Variants in ZSWIM5 observed in about 807,000 individuals in gnomAD.
ZSWIM5 encodes zinc finger SWIM domain-containing protein 5.
Under a neutral mutation model 119.6 loss-of-function variants are expected in ZSWIM5, and 55 were observed. The observed-to-expected ratio is 0.46, with a 90% CI of 0.37 to 0.58. ZSWIM5 has a LOEUF of 0.58. Among genes scored for constraint, ZSWIM5 ranks in the 20% least tolerant of loss-of-function variants. The pLI is 0.00. For synonymous variants in ZSWIM5, 537 were observed against 606.9 expected (o/e 0.88, Z 1.69); for missense variants, 1,193 against 1,512.8 (o/e 0.79, Z 3.51).
At chr1:45,112,135 A>G (rs1645522404) in intron 1 of ZSWIM5, among the ~76,000 whole-genome samples, 2 of 152,190 alleles carry the variant, frequency 1.3e-5, no homozygotes, top group African/African-American at 4.8e-5. Flanking sequence ...GAACCTATCT[A>G]TCACCCCCAA....
intron 1 of ZSWIM5, among the ~76,000 whole-genome samples, chr1:45,099,076 CA>C (rs1294203849): frequency 4.6e-5 from 7 of 152,048 alleles, no homozygotes; most frequent in Non-Finnish European, 8.8e-5. Context: ...GACAGTGACA[CA>C]AAAAACCCTT....
intron 1 of ZSWIM5, among the ~76,000 whole-genome samples, chr1:45,126,891 TGCAGTA>T (rs1426297609): frequency 6.6e-6 from 1 of 152,140 alleles, no homozygotes; most frequent in Non-Finnish European, 1.5e-5. Context: ...TATCCTGGAG[TGCAGTA>T]GCACGATCAC....
At chr1:45,205,414 C>T (rs1646181587) in intron 1 of ZSWIM5, among the ~76,000 whole-genome samples, 2 of 152,208 alleles carry the variant, frequency 1.3e-5, no homozygotes, top group African/African-American at 4.8e-5. Flanking sequence ...CAATCCTCTC[C>T]TCTCCAAACT....
intron 2 of ZSWIM5, among the ~76,000 whole-genome samples, chr1:45,074,893 A>G (rs1233064915): frequency 6.6e-6 from 1 of 151,822 alleles, no homozygotes; most frequent in East Asian, 1.9e-4. Context: ...GCTGTATCCC[A>G]TAGGTTTTAG....
chr1:45,172,324 C>A (rs1645950550), intron 1 of ZSWIM5, among the ~76,000 whole-genome samples: 1 of 151,900 alleles, frequency 6.6e-6, no homozygotes, highest in East Asian at 1.9e-4. Flanking sequence ...ATATCAACTT[C>A]AATTGGTAAT....
intron 5 of ZSWIM5, among the ~76,000 whole-genome samples, chr1:45,047,525 T>C (rs1645063294): frequency 6.6e-6 from 1 of 152,148 alleles, no homozygotes; most frequent in Admixed American, 6.5e-5. Context: ...ATGGGAAATA[T>C]AACAATATGC....
At chr1:45,109,377 C>T (rs1213461721) in intron 1 of ZSWIM5, among the ~76,000 whole-genome samples, 2 of 152,182 alleles carry the variant, frequency 1.3e-5, no homozygotes, top group Non-Finnish European at 2.9e-5. Flanking sequence ...TGGCCAGCAT[C>T]TCCTTGTGTT....
At chr1:45,029,106 A>G (rs1393906584) in intron 11 of ZSWIM5, among the ~76,000 whole-genome samples, 5 of 152,250 alleles carry the variant, frequency 3.3e-5, no homozygotes, top group Non-Finnish European at 7.3e-5. Context: ...CACCCACAAG[A>G]CAACCATCAA....
intron 2 of ZSWIM5, among the ~76,000 whole-genome samples, chr1:45,062,404 T>G (rs6698681): frequency 0.16 from 24,557 of 152,202 alleles, 2,646 homozygotes; most frequent in African/African-American, 0.3. Context: ...GGCTCACATA[T>G]TCACTCATTC....
At chr1:45,120,997 T>C (rs923996267) in intron 1 of ZSWIM5, among the ~76,000 whole-genome samples, 2 of 152,082 alleles carry the variant, frequency 1.3e-5, no homozygotes, top group African/African-American at 4.8e-5. Context: ...GTCCCCAGGC[T>C]GGAGTGTGGT....
At position 45,206,420 on chromosome 1, in the gene ZSWIM5, C is replaced by G; in HGVS notation, c.-70G>C. On this transcript the variant is annotated 5_prime_UTR_variant, in exon 1 of 14. Coordinates refer to ENST00000359600, the MANE Select transcript of ZSWIM5 (RefSeq NM_020883.2). ...GCTGCGGCGGAGACCCTGGCCACGG[C>G]CACGCGCCCCGCGCAAGCGCCCAGC... 2.4e-6 allele frequency: 3 copies of G among 1,269,030 alleles called. No homozygotes were observed. Among genetic ancestry groups the G allele is most frequent in the Non-Finnish European group, 3.0e-6 (3 of 1,008,696 alleles). 78.6% of individuals were successfully genotyped at this position (1,269,030 alleles called of 1,614,324 possible).
intron 8 of ZSWIM5, among the ~76,000 whole-genome samples, chr1:45,038,490 T>C (rs186472020): frequency 2.0e-5 from 3 of 148,592 alleles, no homozygotes; most frequent in Admixed American, 6.8e-5. Context: ...AGGTGGGAAA[T>C]GGGCAAGCAT....
At chr1:45,163,789 G>T (rs1645880739) in intron 1 of ZSWIM5, among the ~76,000 whole-genome samples, 2 of 152,126 alleles carry the variant, frequency 1.3e-5, no homozygotes, top group Non-Finnish European at 1.5e-5. Context: ...AAAAAGAAAT[G>T]AACAAAGCCT....
At chr1:45,168,313 A>C (rs1645921588) in intron 1 of ZSWIM5, among the ~76,000 whole-genome samples, 1 of 151,746 alleles carries the variant, frequency 6.6e-6, no homozygotes, top group Non-Finnish European at 1.5e-5. Flanking sequence ...ACCACACACC[A>C]GGGCCTGTCG....
intron 1 of ZSWIM5, among the ~76,000 whole-genome samples, chr1:45,144,379 A>G (rs1389018315): frequency 6.6e-6 from 1 of 151,270 alleles, no homozygotes; most frequent in Non-Finnish European, 1.5e-5. Flanking sequence ...AAAAAAAAAG[A>G]AAAAATTGCC....
At chr1:45,069,243 G>A (rs1426591746) in intron 2 of ZSWIM5, among the ~76,000 whole-genome samples, 1 of 151,902 alleles carries the variant, frequency 6.6e-6, no homozygotes, top group Non-Finnish European at 1.5e-5. Context: ...TGGCTAACAC[G>A]GTGACACCCC....
At chr1:45,122,751 A>G (rs1645600391) in intron 1 of ZSWIM5, among the ~76,000 whole-genome samples, 1 of 152,196 alleles carries the variant, frequency 6.6e-6, no homozygotes. Flanking sequence ...ACTAAAGGGC[A>G]GCCTAGGAAG....
intron 1 of ZSWIM5, among the ~76,000 whole-genome samples, chr1:45,098,756 G>A (rs904922350): frequency 3.3e-5 from 5 of 152,072 alleles, no homozygotes; most frequent in East Asian, 1.9e-4. Context: ...ACTCAAAACC[G>A]CACAACTACA....
chr1:45,065,382 C>T (rs1290015706), intron 2 of ZSWIM5, among the ~76,000 whole-genome samples: 1 of 152,164 alleles, frequency 6.6e-6, no homozygotes, highest in East Asian at 1.9e-4. Flanking sequence ...CGGCCTTAAA[C>T]AACTGGCTGG....
Sources: gnomAD v4.1 joint callset for allele counts (sites outside exome capture counted in the v4.1 genomes callset) on GRCh38, gnomAD v4.1.1 for gene constraint, MANE v1.5 for transcripts, NCBI Gene and HGNC (gene_info 2026-07-23, HGNC 2026-07-21) for gene names.